ZNF420: variants seen among roughly 807,000 people sequenced by gnomAD.
ZNF420 encodes the protein zinc finger protein 420.
A neutral mutation model predicts 44.7 loss-of-function variants in ZNF420; 31 were observed. The observed-to-expected ratio is 0.69, with a 90% confidence interval of 0.52 to 0.94. The LOEUF (loss-of-function observed/expected upper bound fraction) is 0.94. Among genes scored for constraint, ZNF420 ranks in the 40% least tolerant of loss-of-function variants. The pLI, the probability that ZNF420 is intolerant of heterozygous loss-of-function variation, is 0.00. For missense variants in ZNF420, 681 were observed against 827.9 expected, an observed-to-expected ratio of 0.82 and a Z score of 2.18; for synonymous variants, 245 against 267.4, an observed-to-expected ratio of 0.92 and a Z score of 0.82.
chr19:37,021,800 G>A (rs1156632396), intron 1 of ZNF420, among the ~76,000 whole-genome samples: 1 of 151,624 alleles, frequency 6.6e-6, no homozygotes, highest in Non-Finnish European at 1.5e-5. Context: ...AGCATGGCAT[G>A]GTGGCGTACA....
chr19:37,054,252 C>G (rs1402761179), intron 1 of ZNF420, among the ~76,000 whole-genome samples: 1 of 152,212 alleles, frequency 6.6e-6, no homozygotes, highest in Non-Finnish European at 1.5e-5. Context: ...CAGGTGCCGT[C>G]TGTCACCCTT....
At chr19:37,030,263 G>A (rs1225846753) in intron 1 of ZNF420, among the ~76,000 whole-genome samples, 1 of 152,142 alleles carries the variant, frequency 6.6e-6, no homozygotes, top group East Asian at 1.9e-4. Context: ...CCGGGTTCAA[G>A]CAATTCTCCT....
intron 1 of ZNF420, among the ~76,000 whole-genome samples, chr19:37,029,407 AAATTC>A (rs1397702314): frequency 6.6e-6 from 1 of 152,172 alleles, no homozygotes; most frequent in Non-Finnish European, 1.5e-5. Flanking sequence ...TGCATACATA[AAATTC>A]AATTCAATAG....
At chr19:37,037,574 AG>A (rs1421553561) in intron 1 of ZNF420, among the ~76,000 whole-genome samples, 1 of 152,202 alleles carries the variant, frequency 6.6e-6, no homozygotes, top group Non-Finnish European at 1.5e-5. Context: ...TAACAGCCTC[AG>A]GGGAAGATCT....
intron 1 of ZNF420, among the ~76,000 whole-genome samples, chr19:37,055,914 G>A (rs1442508171): frequency 6.6e-6 from 1 of 152,140 alleles, no homozygotes; most frequent in African/African-American, 2.4e-5. Context: ...ACATCATCTC[G>A]AGGAAGCGTC....
At chr19:37,082,146 A>T (rs1968500320) in intron 2 of ZNF420, among the ~76,000 whole-genome samples, 1 of 151,968 alleles carries the variant, frequency 6.6e-6, no homozygotes, top group African/African-American at 2.4e-5. Flanking sequence ...TCAATTTGGC[A>T]ATCTCCATTT....
In ZNF420 at chr19:37,129,959, G is replaced by T; in HGVS notation, c.*901G>T. 7.0e-7 allele frequency: 1 copy of T among 1,419,936 alleles called. No individual in the cohort carries two copies. The highest frequency in any genetic ancestry group is 9.2e-7 in the Non-Finnish European group (1 of 1,083,822). The allele number at this position is 1,419,936 out of a possible 1,614,324, so 88.0% of individuals were successfully genotyped here. A position where few individuals can be genotyped will look rare whatever the true frequency, so the allele number is the denominator to read the frequency against. On this transcript the variant is annotated 3_prime_UTR_variant, in exon 5 of 5. Coordinates refer to ENST00000337995, the MANE Select transcript of ZNF420 (RefSeq NM_144689.5). ...TTGCAATGAAAAATGATGAGAGTTT[G>T]TGATACAGACTGCTTTTTTCCTACC...
intron 4 of ZNF420, among the ~76,000 whole-genome samples, chr19:37,103,818 G>A (rs1034844097): frequency 2.6e-5 from 4 of 151,878 alleles, no homozygotes; most frequent in African/African-American, 9.7e-5. Context: ...ATACAAACAT[G>A]CCTTAATTTC....
intron 2 of ZNF420, among the ~76,000 whole-genome samples, chr19:37,088,068 G>T (rs577089449): frequency 1.3e-5 from 2 of 152,298 alleles, no homozygotes; most frequent in South Asian, 4.1e-4. Flanking sequence ...CAACTCTTCA[G>T]CTCTGCTGCT....
At chr19:37,097,375 TTC>T (rs1442926634) in intron 4 of ZNF420, among the ~76,000 whole-genome samples, 2 of 152,194 alleles carry the variant, frequency 1.3e-5, no homozygotes, top group Admixed American at 1.3e-4. Flanking sequence ...TATAGTGGAT[TTC>T]TAGGTGGACA....
chr19:37,072,754 G>A (rs1968077753), intron 1 of ZNF420, among the ~76,000 whole-genome samples: 1 of 152,064 alleles, frequency 6.6e-6, no homozygotes, highest in Non-Finnish European at 1.5e-5. Flanking sequence ...TAGACACTAT[G>A]TAATCTTTAA....
chr19:37,112,084 G>T (rs1970411565), intron 4 of ZNF420, among the ~76,000 whole-genome samples: 1 of 152,024 alleles, frequency 6.6e-6, no homozygotes, highest in Non-Finnish European at 1.5e-5. Context: ...AGCAGCCACT[G>T]ATTTACCCAT....
chr19:37,013,507 C>G (rs2074587448), intron 1 of ZNF420, among the ~76,000 whole-genome samples: 1 of 152,098 alleles, frequency 6.6e-6, no homozygotes, highest in South Asian at 2.1e-4. Flanking sequence ...GAGGAGGTCA[C>G]CGACCAGGAT....
At chr19:37,009,500 A>G (rs1333098927) in intron 1 of ZNF420, among the ~76,000 whole-genome samples, 3 of 151,950 alleles carry the variant, frequency 2.0e-5, no homozygotes, top group African/African-American at 7.3e-5. Context: ...CACTCACCCC[A>G]TCTGCTCTGG....
intron 1 of ZNF420, among the ~76,000 whole-genome samples, chr19:37,022,599 A>G (rs1342894131): frequency 6.6e-6 from 1 of 152,224 alleles, no homozygotes; most frequent in African/African-American, 2.4e-5. Flanking sequence ...AATTCCACAG[A>G]AATGAAAAAA....
At chr19:37,089,535 T>G (rs964546708) in intron 3 of ZNF420, among the ~76,000 whole-genome samples, 2 of 152,148 alleles carry the variant, frequency 1.3e-5, no homozygotes, top group African/African-American at 4.8e-5. Flanking sequence ...CGCTCATGCT[T>G]TATGAGTTTT....
intron 1 of ZNF420, among the ~76,000 whole-genome samples, chr19:37,034,780 C>A (rs757468106): frequency 2.6e-5 from 4 of 152,174 alleles, no homozygotes; most frequent in Non-Finnish European, 4.4e-5. Flanking sequence ...TAGAAGCTTT[C>A]TTTTAGGATT....
intron 4 of ZNF420, among the ~76,000 whole-genome samples, chr19:37,109,039 T>G (rs960485769): frequency 5.3e-5 from 8 of 152,200 alleles, no homozygotes; most frequent in African/African-American, 1.9e-4. Context: ...AATTTACCTG[T>G]GGCCTGAGTG....
At chr19:37,120,212 A>G (rs1970949243) in intron 4 of ZNF420, among the ~76,000 whole-genome samples, 1 of 152,232 alleles carries the variant, frequency 6.6e-6, no homozygotes, top group South Asian at 2.1e-4. Flanking sequence ...ACATTGATGC[A>G]AAAATCCTCA....
Sources: gnomAD v4.1 joint callset for allele counts (sites outside exome capture counted in the v4.1 genomes callset) on GRCh38, gnomAD v4.1.1 for gene constraint, MANE v1.5 for transcripts, NCBI Gene and HGNC (gene_info 2026-07-23, HGNC 2026-07-21) for gene names.